Variants in SORCS3 observed in about 807,000 individuals in gnomAD.
SORCS3 encodes VPS10 domain-containing receptor SorCS3.
SORCS3 carries 57 observed loss-of-function variants against 146.3 expected under a neutral mutation model. The ratio of observed to expected loss-of-function variants is 0.39; its 90% confidence interval spans 0.31 to 0.49. The LOEUF is 0.49. Among genes scored for constraint, SORCS3 ranks in the 20% least tolerant of loss-of-function variants. The pLI is 0.92. For missense variants in SORCS3, 1,341 were observed against 1,575.5 expected, an observed-to-expected ratio of 0.85 and a Z score of 2.52; for synonymous variants, 653 against 618.5, an observed-to-expected ratio of 1.06 and a Z score of -0.83.
chr10:105,101,295 G>A (rs1239467500), intron 6 of SORCS3, among the ~76,000 whole-genome samples: 1 of 152,074 alleles, frequency 6.6e-6, no homozygotes, highest in Non-Finnish European at 1.5e-5. Flanking sequence ...GCTCACCCTT[G>A]ACAGCCACAG....
chr10:105,161,634 A>G (rs2056264031), intron 11 of SORCS3, among the ~76,000 whole-genome samples: 2 of 152,134 alleles, frequency 1.3e-5, no homozygotes, highest in Admixed American at 1.3e-4. Flanking sequence ...TAGGGTTCCT[A>G]ATATCCTTAA....
chr10:105,209,313 G>A (rs929974082), intron 16 of SORCS3, among the ~76,000 whole-genome samples: 1 of 151,802 alleles, frequency 6.6e-6, no homozygotes, highest in East Asian at 1.9e-4. Context: ...GTGAATTTTT[G>A]TGTATTTTTA....
intron 17 of SORCS3, among the ~76,000 whole-genome samples, chr10:105,213,083 C>T (rs146768406): frequency 1.2e-4 from 19 of 152,298 alleles, no homozygotes; most frequent in African/African-American, 3.6e-4. Context: ...CCACAAGGTG[C>T]GCTACCATAT....
intron 2 of SORCS3, among the ~76,000 whole-genome samples, chr10:104,865,880 A>G (rs888035473): frequency 1.3e-5 from 2 of 152,172 alleles, no homozygotes; most frequent in Non-Finnish European, 2.9e-5. Context: ...ATAGTACTTC[A>G]CTCACAGAGG....
intron 6 of SORCS3, among the ~76,000 whole-genome samples, chr10:105,094,652 T>C (rs2133745126): frequency 6.6e-6 from 1 of 152,358 alleles, no homozygotes; most frequent in South Asian, 2.1e-4. Flanking sequence ...TAGCACACTC[T>C]GACAAGGACT....
intron 5 of SORCS3, among the ~76,000 whole-genome samples, chr10:105,081,598 A>T (rs1247851257): frequency 6.6e-6 from 1 of 152,216 alleles, no homozygotes; most frequent in South Asian, 2.1e-4. Context: ...GACTGTTTGC[A>T]CAAAGGGTTA....
intron 4 of SORCS3, among the ~76,000 whole-genome samples, chr10:105,016,177 G>A (rs1163988664): frequency 1.9e-5 from 2 of 106,454 alleles, no homozygotes; most frequent in African/African-American, 9.2e-5. Flanking sequence ...TTTTGAGATG[G>A]AGTCTCGCTC....
intron 1 of SORCS3, among the ~76,000 whole-genome samples, chr10:104,674,593 G>T (rs115004427): frequency 6.6e-6 from 1 of 152,278 alleles, no homozygotes; most frequent in Admixed American, 6.5e-5. Flanking sequence ...GACATCTTTC[G>T]TAATGCCTTG....
intron 1 of SORCS3, among the ~76,000 whole-genome samples, chr10:104,695,645 T>C (rs1270606861): frequency 1.3e-5 from 2 of 152,006 alleles, no homozygotes; most frequent in African/African-American, 4.8e-5. Context: ...ATCATATGCA[T>C]GCAAATTTGT....
chr10:104,940,546 A>G (rs1379599831), intron 3 of SORCS3, among the ~76,000 whole-genome samples: 2 of 151,698 alleles, frequency 1.3e-5, no homozygotes, highest in Non-Finnish European at 2.9e-5. Context: ...TTCCAGCTTC[A>G]TCCATGTCCC....
chr10:105,066,888 G>A lies in SORCS3; in HGVS notation c.1029-22887G>A, dbSNP rs187206341. 1.0e-3 allele frequency among the ~76,000 whole-genome samples: 155 copies of A among 152,246 alleles called. 1 individual carries two copies. The highest frequency in any genetic ancestry group is 2.6e-3 in the Admixed American group (40 of 15,300). ...ACCAAAAAAGTAGAGCCTAAAAGAC[G>A]TAAATGTACCAGCTTTCCTTTGCCC... On this transcript the variant is annotated intron_variant, in intron 5 of 26. Coordinates refer to ENST00000369701, the MANE Select transcript of SORCS3 (RefSeq NM_014978.3).
intron 25 of SORCS3, among the ~76,000 whole-genome samples, chr10:105,259,589 C>G (rs183516159): frequency 1.3e-5 from 2 of 152,306 alleles, no homozygotes; most frequent in East Asian, 3.9e-4. Flanking sequence ...TTTCTTATAT[C>G]TCAAGTAATG....
At chr10:104,933,967 G>C (rs1476623041) in intron 3 of SORCS3, among the ~76,000 whole-genome samples, 5 of 152,050 alleles carry the variant, frequency 3.3e-5, no homozygotes, top group Non-Finnish European at 5.9e-5. Context: ...GCTAATTTTT[G>C]TACTTTTAGT....
intron 3 of SORCS3, among the ~76,000 whole-genome samples, chr10:104,963,161 G>C (rs1415470271): frequency 6.6e-6 from 1 of 152,098 alleles, no homozygotes; most frequent in Non-Finnish European, 1.5e-5. Context: ...GGTTTCTGAT[G>C]GTTTCCTTAG....
intron 1 of SORCS3, among the ~76,000 whole-genome samples, chr10:104,677,166 T>C (rs2015920702): frequency 6.6e-6 from 1 of 152,202 alleles, no homozygotes; most frequent in Non-Finnish European, 1.5e-5. Flanking sequence ...GTCCAACCTT[T>C]TGTGGTGACA....
chr10:104,946,527 T>G (rs116470096), intron 3 of SORCS3, among the ~76,000 whole-genome samples: 1 of 152,224 alleles, frequency 6.6e-6, no homozygotes, highest in African/African-American at 2.4e-5. Flanking sequence ...GGAGCTTTCA[T>G]GAGGAGGCAG....
chr10:105,245,382 A>G (rs1229254721), intron 20 of SORCS3, among the ~76,000 whole-genome samples, 160 bp from the exon 21 acceptor site: 1 of 152,186 alleles, frequency 6.6e-6, no homozygotes, highest in Non-Finnish European at 1.5e-5. Context: ...CTCTTCCTAG[A>G]TACTGGAAGA....
intron 5 of SORCS3, among the ~76,000 whole-genome samples, chr10:105,063,812 C>A (rs1241646763): frequency 6.6e-6 from 1 of 152,188 alleles, no homozygotes; most frequent in Non-Finnish European, 1.5e-5. Flanking sequence ...GTGTCACATG[C>A]TGTATTGATA....
At chr10:104,954,863 A>AATG (rs2019470302) in intron 3 of SORCS3, among the ~76,000 whole-genome samples, 1 of 152,138 alleles carries the variant, frequency 6.6e-6, no homozygotes, top group Non-Finnish European at 1.5e-5. Flanking sequence ...TTTTGTACTT[A>AATG]CTGCTATTTT....
Sources: allele counts gnomAD v4.1 joint callset (sites outside exome capture counted in the v4.1 genomes callset), GRCh38; gene constraint gnomAD v4.1.1; transcripts MANE v1.5; gene names NCBI Gene and HGNC (gene_info 2026-07-23, HGNC 2026-07-21).